The following SPAG1 variants were observed in gnomAD, a reference collection of about 807,000 sequenced individuals.
The protein encoded by SPAG1 is sperm associated antigen 1, also known as sperm-associated antigen 1.
In SPAG1, 69 loss-of-function variants were observed where a neutral mutation model predicts 100.5. The ratio of observed to expected loss-of-function variants is 0.69; its 90% CI spans 0.57 to 0.84. The LOEUF is 0.84. Ranked by LOEUF, SPAG1 falls within the 40% of genes least tolerant of loss-of-function variation. The pLI is 0.00. For missense variants in SPAG1, 955 were observed against 1,133.1 expected, an observed-to-expected ratio of 0.84 and a Z score of 2.26; for synonymous variants, 336 against 411.6, an observed-to-expected ratio of 0.82 and a Z score of 2.22.
intron 3 of SPAG1, among the ~76,000 whole-genome samples, chr8:100,173,463 A>G (rs915145831): frequency 1.3e-4 from 20 of 151,800 alleles, no homozygotes; most frequent in Non-Finnish European, 2.1e-4. Context: ...CCTGCCTTCT[A>G]TACAGATAGA....
At chr8:100,237,385 C>T (rs1418681558) in intron 16 of SPAG1, among the ~76,000 whole-genome samples, 1 of 152,190 alleles carries the variant, frequency 6.6e-6, no homozygotes, top group African/African-American at 2.4e-5. Flanking sequence ...CTTCCCTCTA[C>T]ACTGCATGGC....
chr8:100,177,177 A>T (rs956783090), intron 3 of SPAG1, among the ~76,000 whole-genome samples: 2 of 152,132 alleles, frequency 1.3e-5, no homozygotes, highest in African/African-American at 4.8e-5. Context: ...GGTTTACAGT[A>T]TTACACTAAA....
chr8:100,222,093 G>T (rs1054323576), intron 13 of SPAG1, among the ~76,000 whole-genome samples: 9 of 152,160 alleles, frequency 5.9e-5, no homozygotes, highest in Non-Finnish European at 1.0e-4. Flanking sequence ...GCCACCCCAC[G>T]GTGCGCCATC....
intron 2 of SPAG1, chr8:100,165,234 T>A (rs1055339577): frequency 5.8e-6 from 3 of 519,032 alleles, no homozygotes; most frequent in Admixed American, 2.0e-5. Context: ...ACAACTTCCA[T>A]CACGACTCTA....
intron 8 of SPAG1, among the ~76,000 whole-genome samples, chr8:100,188,211 G>A (rs1005189384): frequency 6.6e-6 from 1 of 151,858 alleles, no homozygotes. Flanking sequence ...GTGTGCAGTG[G>A]TGCAATCTTG....
At chr8:100,174,630 G>A (rs1354721414) in intron 3 of SPAG1, among the ~76,000 whole-genome samples, 1 of 152,216 alleles carries the variant, frequency 6.6e-6, no homozygotes, top group Non-Finnish European at 1.5e-5. Context: ...GGTAGATGTT[G>A]TGAAAGAAGT....
At chr8:100,175,143 A>G (rs1816052163) in intron 3 of SPAG1, among the ~76,000 whole-genome samples, 1 of 150,628 alleles carries the variant, frequency 6.6e-6, no homozygotes, top group African/African-American at 2.4e-5. Flanking sequence ...ATGTGCCACC[A>G]CTCCTGGCTT....
intron 13 of SPAG1, among the ~76,000 whole-genome samples, chr8:100,223,891 G>A (rs962553206): frequency 2.6e-5 from 4 of 151,770 alleles, no homozygotes; most frequent in Non-Finnish European, 5.9e-5. Context: ...GATCACTATG[G>A]AAATTTAAGT....
At chr8:100,193,423 T>A (rs1209008810) in intron 9 of SPAG1, among the ~76,000 whole-genome samples, 2 of 152,112 alleles carry the variant, frequency 1.3e-5, no homozygotes, top group Non-Finnish European at 2.9e-5. Flanking sequence ...ATTGCACCAC[T>A]GTACTCCAGC....
chr8:100,213,434 T>TGCGCC lies in SPAG1; in HGVS notation c.1435+12_1435+16dup. 3 of 1,390,620 alleles carry TGCGCC rather than the reference T, an allele frequency of 2.2e-6. No homozygotes were observed. The highest frequency in any genetic ancestry group is 2.8e-6 in the Non-Finnish European group (3 of 1,075,056). 86.1% of individuals were successfully genotyped at this position (1,390,620 alleles called of 1,614,324 possible). ...CGCGCTCCTGGAGCCAGCAGGTAGG[T>TGCGCC]GCGCCGCGCCCCGCCGCTTCCTGGG... On this transcript the variant is annotated splice_region_variant and intron_variant, in intron 11 of 18. Transcript: ENST00000388798.
intron 14 of SPAG1, among the ~76,000 whole-genome samples, chr8:100,229,492 C>G (rs1818670409): frequency 6.6e-6 from 1 of 152,204 alleles, no homozygotes; most frequent in South Asian, 2.1e-4. Flanking sequence ...AAGGCCCAGG[C>G]TTTTTAATCT....
chr8:100,186,568 A>T (rs1270999715), intron 7 of SPAG1, among the ~76,000 whole-genome samples: 6 of 152,182 alleles, frequency 3.9e-5, no homozygotes, highest in Non-Finnish European at 8.8e-5. Context: ...TTAACTGGAT[A>T]TTTAAGCATC....
intron 12 of SPAG1, 66 bp from the exon 13 acceptor site, chr8:100,220,213 C>A: frequency 7.4e-7 from 1 of 1,353,036 alleles, no homozygotes; most frequent in Non-Finnish European, 1.0e-6. Context: ...AGTATCTATT[C>A]AGTGAAGTAT....
intron 13 of SPAG1, among the ~76,000 whole-genome samples, chr8:100,221,879 G>A (rs1818297923): frequency 6.6e-6 from 1 of 152,238 alleles, no homozygotes; most frequent in Non-Finnish European, 1.5e-5. Flanking sequence ...CAGCCCTGCT[G>A]GAAAGATACA....
chr8:100,232,093 T>C (rs1818799392), intron 15 of SPAG1, among the ~76,000 whole-genome samples: 1 of 152,160 alleles, frequency 6.6e-6, no homozygotes, highest in Admixed American at 6.5e-5. Flanking sequence ...CTTTACCACG[T>C]AGTAAAAGAT....
Position 100,194,174 on chromosome 8 carries a change from C to A in SPAG1, c.1002C>A (p.Thr334=). ...CTGAAGCTGCATCTGAGACTCAAAC[C>A]AAAGGGAAAAGGATGGTTATTCAGG... The part of the protein sequence containing the change: ...KNSEAASETQ[T]KGKRMVIQEI... Residue 334 remains threonine, a synonymous_variant, in exon 10 of 19, where the codon ACC becomes ACA. Transcript: ENST00000388798. 1 of 1,607,712 alleles carries A rather than the reference C, an allele frequency of 6.2e-7. No homozygotes were observed. Among genetic ancestry groups the A allele is most frequent in the Non-Finnish European group, 8.5e-7 (1 of 1,177,940 alleles).
chr8:100,177,138 C>A (rs1043054364), intron 3 of SPAG1, among the ~76,000 whole-genome samples: 1 of 152,026 alleles, frequency 6.6e-6, no homozygotes, highest in African/African-American at 2.4e-5. Context: ...ACTAGTGACA[C>A]TTTATATGGG....
At chr8:100,233,614 G>A (rs1818876785) in intron 16 of SPAG1, 77 bp downstream of exon 16, 3 of 1,391,776 alleles carry the variant, frequency 2.2e-6, no homozygotes. Context: ...TAAATCTCCA[G>A]ATCTTGGGAT....
At chr8:100,179,308 G>A (rs1448745054) in intron 4 of SPAG1, among the ~76,000 whole-genome samples, 1 of 152,088 alleles carries the variant, frequency 6.6e-6, no homozygotes. Flanking sequence ...GCTTGAACCT[G>A]GGAGGCAGAG....
Sources: gnomAD v4.1 joint callset for allele counts (sites outside exome capture counted in the v4.1 genomes callset) on GRCh38, gnomAD v4.1.1 for gene constraint, MANE v1.5 for transcripts, NCBI Gene and HGNC (gene_info 2026-07-23, HGNC 2026-07-21) for gene names.